The following NF1 variants were observed in gnomAD, a reference collection of about 807,000 sequenced individuals.
The protein encoded by NF1 is neurofibromin.
A neutral mutation model predicts 325.7 loss-of-function variants in NF1; 122 were observed. The ratio of observed to expected loss-of-function variants is 0.37; its 90% CI spans 0.32 to 0.44. The LOEUF is 0.44. Ranked by LOEUF, NF1 falls within the 20% of genes least tolerant of loss-of-function variation. NF1 has a pLI of 1.00. For missense variants in NF1, 2,140 were observed against 3,415.4 expected (o/e 0.63, Z 9.31); for synonymous variants, 1,091 against 1,186.0 (o/e 0.92, Z 1.65).
chr17:31,258,031 C>T (rs1269850119), intron 31 of NF1, among the ~76,000 whole-genome samples: 2 of 152,064 alleles, frequency 1.3e-5, no homozygotes, highest in African/African-American at 4.8e-5. Context: ...GGTCTGCTTT[C>T]ATTACTCATC....
chr17:31,269,810 G>T (rs1257557498), intron 36 of NF1, among the ~76,000 whole-genome samples: 1 of 152,174 alleles, frequency 6.6e-6, no homozygotes, highest in Admixed American at 6.5e-5. Flanking sequence ...GGTCTTACTG[G>T]CCTGGTGTGA....
chr17:31,142,417 T>A (rs1343163957), intron 1 of NF1, among the ~76,000 whole-genome samples: 1 of 152,216 alleles, frequency 6.6e-6, no homozygotes, highest in African/African-American at 2.4e-5. Context: ...ACCTCTCAAA[T>A]ACAATGACCT....
intron 25 of NF1, 142 bp downstream of exon 25, chr17:31,232,331 T>C (rs1252726191): frequency 9.1e-6 from 6 of 659,672 alleles, no homozygotes; most frequent in South Asian, 3.7e-5. Flanking sequence ...GAAAGTAATA[T>C]GATCAGTGAA....
intron 36 of NF1, among the ~76,000 whole-genome samples, chr17:31,315,107 T>C (rs2068987130): frequency 6.6e-6 from 1 of 152,202 alleles, no homozygotes; most frequent in South Asian, 2.1e-4. Context: ...TGTAATTAAA[T>C]TATTTTGACC....
chr17:31,227,546 A>G lies in NF1; in HGVS notation c.2349A>G (p.Lys783=). 1 of 1,613,900 alleles carries G rather than the reference A, an allele frequency of 6.2e-7. No homozygotes were observed. Among genetic ancestry groups the G allele is most frequent in the Non-Finnish European group, 8.5e-7 (1 of 1,179,828 alleles). Residue 783 remains lysine, a synonymous_variant, in exon 20 of 58, where the codon AAA becomes AAG. Transcript: ENST00000358273. Reference sequence around the variant, plus strand: ...AGGCTTGGGAAGATACACATGCAAAATGGGAACAAGCAACAAAGCTAATCC... The same window carrying G: ...AGGCTTGGGAAGATACACATGCAAAGTGGGAACAAGCAACAAAGCTAATCC... ...NTEAWEDTHA[K]WEQATKLILN... is the part of the protein sequence containing the mutation.
intron 9 of NF1, 64 bp from the exon 10 acceptor site, chr17:31,200,973 A>G (rs1597681759): frequency 6.2e-7 from 1 of 1,605,974 alleles, no homozygotes; most frequent in East Asian, 2.2e-5. Context: ...ATGTTATTAC[A>G]TGTTAGTAAA....
chr17:31,194,710 T>C (rs1382128272), intron 8 of NF1, among the ~76,000 whole-genome samples: 1 of 152,302 alleles, frequency 6.6e-6, no homozygotes, highest in East Asian at 1.9e-4. Flanking sequence ...GTTTTAGAGC[T>C]GAATTGTATC....
intron 25 of NF1, 60 bp downstream of exon 25, chr17:31,232,249 A>G: frequency 9.9e-7 from 1 of 1,013,598 alleles, no homozygotes; most frequent in Admixed American, 1.7e-5. Flanking sequence ...CCACCACACA[A>G]AAAAAGCAAA....
chr17:31,217,763 G>A (rs563800174), intron 13 of NF1, among the ~76,000 whole-genome samples: 21 of 150,976 alleles, frequency 1.4e-4, no homozygotes, highest in African/African-American at 5.1e-4. Context: ...TCAGGAGTTC[G>A]AGACCAGCCT....
chr17:31,351,272 C>T (rs1237968860), intron 50 of NF1, among the ~76,000 whole-genome samples: 20 of 152,032 alleles, frequency 1.3e-4, no homozygotes, highest in Admixed American at 1.2e-3. Context: ...AACATAACTA[C>T]AGTTAATGTA....
chr17:31,319,038 A>G (rs779017654), intron 36 of NF1: 31 of 1,562,530 alleles, frequency 2.0e-5, no homozygotes, highest in East Asian at 6.7e-5. Flanking sequence ...TGGGATAGCA[A>G]TATAATTTGT....
At chr17:31,155,957 G>T (rs766376354) in intron 1 of NF1, 26 bp from the exon 2 acceptor site, 11 of 1,604,286 alleles carry the variant, frequency 6.9e-6, no homozygotes, top group Non-Finnish European at 9.4e-6. Context: ...AGCTGTTAAC[G>T]TGTTTTTTTT....
In NF1 at chr17:31,276,034, C is replaced by T. The variant is rs189878840; in HGVS notation, c.4835+10695C>T. On this transcript the variant is annotated intron_variant, in intron 36 of 57. Transcript: ENST00000358273. Reference sequence around the variant, plus strand: ...ACCATCCTGGCTAACACGGTGAAACCCCATCTCTACTAAAAATACAAAAAA... The same window carrying T: ...ACCATCCTGGCTAACACGGTGAAACTCCATCTCTACTAAAAATACAAAAAA... Among the ~76,000 whole-genome samples the T allele has an allele frequency of 1.7e-3, 263 of 151,802 alleles. 3 individuals are homozygous for T. The highest frequency in any genetic ancestry group is 6.0e-3 in the African/African-American group (248 of 41,368).
chr17:31,334,025 G>A lies in NF1; in HGVS notation c.5813-813G>A, dbSNP rs1238694549. Among the ~76,000 whole-genome samples the A allele has an allele frequency of 3.3e-5, 5 of 152,278 alleles. No individual in the cohort carries two copies. The East Asian group carries it at 5.8e-4, about 18-fold the overall frequency. The stretch of plus-strand genomic sequence containing the variant: ...GTATAGGCCAGGGGTGGTGGCTCAC[G>A]CCTGTAATCCCAGCACTTTGGGAGG... On this transcript the variant is annotated intron_variant, in intron 39 of 57. Coordinates refer to ENST00000358273, the MANE Select transcript of NF1 (RefSeq NM_001042492.3).
intron 36 of NF1, among the ~76,000 whole-genome samples, chr17:31,277,410 T>C (rs1022731168): frequency 3.3e-5 from 5 of 152,234 alleles, no homozygotes; most frequent in African/African-American, 1.2e-4. Flanking sequence ...TTAGAAAGCA[T>C]GATTTAAGAG....
intron 40 of NF1, among the ~76,000 whole-genome samples, chr17:31,335,290 A>ATATATATATATATATATATATGTATG: frequency 1.4e-5 from 1 of 71,640 alleles, no homozygotes; most frequent in South Asian, 5.1e-4. Flanking sequence ...ATATATATAT[A>ATATATATATATATATATATATGTATG]TATATAATTA....
intron 47 of NF1, among the ~76,000 whole-genome samples, chr17:31,341,643 C>T (rs890448469): frequency 7.7e-6 from 1 of 129,226 alleles, no homozygotes; most frequent in Non-Finnish European, 1.7e-5. Flanking sequence ...TATGTAAAAT[C>T]CAACTCCAAT....
At chr17:31,260,811 A>G (rs2067672781) in intron 34 of NF1, among the ~76,000 whole-genome samples, 1 of 152,206 alleles carries the variant, frequency 6.6e-6, no homozygotes, top group African/African-American at 2.4e-5. Context: ...AGATCCAAAG[A>G]AGTTCAGATT....
intron 11 of NF1, among the ~76,000 whole-genome samples, chr17:31,202,543 TC>T (rs2066548975): frequency 6.6e-6 from 1 of 152,144 alleles, no homozygotes; most frequent in Non-Finnish European, 1.5e-5. Context: ...GGGAGGACAG[TC>T]CTTTGTTGTG....
Sources: gnomAD v4.1 joint callset for allele counts (sites outside exome capture counted in the v4.1 genomes callset) on GRCh38, gnomAD v4.1.1 for gene constraint, MANE v1.5 for transcripts, NCBI Gene and HGNC (gene_info 2026-07-23, HGNC 2026-07-21) for gene names.